GIGYF2: variants seen among roughly 807,000 people sequenced by gnomAD.
GIGYF2 encodes the protein GRB10-interacting GYF protein 2.
A neutral mutation model predicts 208.1 loss-of-function variants in GIGYF2; 25 were observed. The ratio of observed to expected loss-of-function variants is 0.12; its 90% CI spans 0.09 to 0.17. The LOEUF (loss-of-function observed/expected upper bound fraction) is 0.17. Ranked by LOEUF, GIGYF2 falls within the 10% of genes least tolerant of loss-of-function variation. GIGYF2 has a pLI of 1.00. For missense variants in GIGYF2, 1,302 were observed against 1,579.4 expected (o/e 0.82, Z 2.98); for synonymous variants, 534 against 543.8 (o/e 0.98, Z 0.25).
intron 18 of GIGYF2, among the ~76,000 whole-genome samples, chr2:232,815,262 G>A (rs1223081380): frequency 1.3e-5 from 2 of 152,238 alleles, no homozygotes; most frequent in African/African-American, 4.8e-5. Flanking sequence ...GTGCTTTGGA[G>A]TGTAATACAC....
intron 9 of GIGYF2, chr2:232,788,608 T>G (rs576693366): frequency 6.4e-6 from 3 of 469,738 alleles, no homozygotes; most frequent in African/African-American, 6.0e-5. Flanking sequence ...TTTTGGAAGA[T>G]GAACTGTGTT....
chr2:232,718,214 C>T (rs1384289056), intron 2 of GIGYF2, among the ~76,000 whole-genome samples: 1 of 152,120 alleles, frequency 6.6e-6, no homozygotes, highest in Non-Finnish European at 1.5e-5. Context: ...TCTCCTGTCT[C>T]AGCCTCCCAA....
intron 8 of GIGYF2, among the ~76,000 whole-genome samples, chr2:232,764,904 C>T (rs978216918): frequency 1.3e-5 from 2 of 151,902 alleles, no homozygotes; most frequent in Non-Finnish European, 2.9e-5. Flanking sequence ...TCTTAGCCAC[C>T]CTCTATTAAA....
intron 2 of GIGYF2, among the ~76,000 whole-genome samples, chr2:232,714,606 C>G (rs1443208052): frequency 1.3e-5 from 2 of 152,040 alleles, no homozygotes; most frequent in Non-Finnish European, 2.9e-5. Context: ...CAGAAATGCA[C>G]ACACTGATGT....
intron 12 of GIGYF2, among the ~76,000 whole-genome samples, chr2:232,793,821 G>A (rs1251902672): frequency 6.6e-6 from 1 of 152,148 alleles, no homozygotes; most frequent in Non-Finnish European, 1.5e-5. Context: ...AAGGAATGGG[G>A]ATGTTTTAGC....
chr2:232,782,705 A>G (rs1699759823), intron 8 of GIGYF2: 1 of 152,246 alleles, frequency 6.6e-6, no homozygotes, highest in Admixed American at 6.5e-5. Flanking sequence ...TTGGAACGAT[A>G]CAGAGATTAG....
intron 8 of GIGYF2, among the ~76,000 whole-genome samples, chr2:232,773,127 TTTTATAA>T (rs1699337234): frequency 1.3e-5 from 2 of 152,172 alleles, no homozygotes; most frequent in African/African-American, 4.8e-5. Context: ...TATTTTAATG[TTTTATAA>T]CTTATTACCC....
intron 8 of GIGYF2, among the ~76,000 whole-genome samples, chr2:232,764,007 C>T (rs1405822199): frequency 6.6e-6 from 1 of 152,144 alleles, no homozygotes; most frequent in Non-Finnish European, 1.5e-5. Context: ...ATTAAATTCT[C>T]ACTTATGTGC....
chr2:232,725,127 C>G (rs1187099533), intron 2 of GIGYF2, among the ~76,000 whole-genome samples: 1 of 152,090 alleles, frequency 6.6e-6, no homozygotes, highest in Non-Finnish European at 1.5e-5. Flanking sequence ...CATCATCTTA[C>G]TCTTCCCTAC....
At chr2:232,814,339 GA>G (rs1700837316) in intron 18 of GIGYF2, among the ~76,000 whole-genome samples, 1 of 151,892 alleles carries the variant, frequency 6.6e-6, no homozygotes, top group Non-Finnish European at 1.5e-5. Flanking sequence ...GAGGTGGGTG[GA>G]TCACGAAGTC....
At chr2:232,831,686 T>C (rs1701428485) in intron 21 of GIGYF2, among the ~76,000 whole-genome samples, 1 of 152,246 alleles carries the variant, frequency 6.6e-6, no homozygotes, top group African/African-American at 2.4e-5. Flanking sequence ...TGCCATTAAG[T>C]ATTTACGGCC....
At chr2:232,802,082 A>G (rs1700415617) in intron 14 of GIGYF2, among the ~76,000 whole-genome samples, 1 of 152,218 alleles carries the variant, frequency 6.6e-6, no homozygotes, top group South Asian at 2.1e-4. Context: ...TTGTTGGTGT[A>G]TAGAAATGCA....
rs150382590 is a variant in GIGYF2, at chr2:232,806,045, G to A, written c.1640-446G>A. On this transcript the variant is annotated intron_variant, in intron 14 of 28. Coordinates refer to ENST00000373563, the MANE Select transcript of GIGYF2 (RefSeq NM_001103146.3). This position sits in a 1 kb window ranked among gnomAD's most constrained non-coding sequence, Gnocchi z 4.0. ...TTCCCCACTACCAAGATCAGAGAGC[G>A]AATTATAATTTGTCTTAATTATTGT... Among the ~76,000 whole-genome samples, 1,209 of 152,192 alleles carry A rather than the reference G, an allele frequency of 7.9e-3. 14 individuals are homozygous for A. Among genetic ancestry groups the A allele is most frequent in the African/African-American group, 0.027 (1,118 of 41,504 alleles).
chr2:232,847,323 T>G, intron 26 of GIGYF2, 25 bp from the exon 27 acceptor site: 1 of 1,607,394 alleles, frequency 6.2e-7, no homozygotes, highest in Non-Finnish European at 8.5e-7. Flanking sequence ...TTGTTACCCT[T>G]ATCTTCTCCC....
chr2:232,794,835 A>C lies in GIGYF2; in HGVS notation c.1370A>C (p.Asn457Thr), dbSNP rs116074753. Reference sequence around the variant, plus strand: ...CTCATACTTCCACCTCCTGTTCCCAATCCTAGTCCTACTCTCCGGCCAGTT... The same window carrying C: ...CTCATACTTCCACCTCCTGTTCCCACTCCTAGTCCTACTCTCCGGCCAGTT... Reference protein sequence around the residue: ...PLLILPPPVPNPSPTLRPVET... With the variant: ...PLLILPPPVPTPSPTLRPVET... Residue 457 changes from asparagine to threonine, a missense_variant, in exon 13 of 29, where the codon AAT (asparagine) becomes ACT (threonine). Physicochemically the swap from Asn to Thr is moderately conservative, Grantham distance 65. This residue lies in a region of GIGYF2 where 235 missense variants were observed against 218.8 expected (regional missense o/e 1.07). Coordinates refer to ENST00000373563, the MANE Select transcript of GIGYF2 (RefSeq NM_001103146.3). The C allele has an allele frequency of 4.7e-4, 751 of 1,613,646 alleles. 1 individual carries two copies. The highest frequency in any genetic ancestry group is 1.2e-3 in the Middle Eastern group (7 of 6,062).
rs536318330 is a variant in GIGYF2, at chr2:232,857,535, C to T, written c.*675C>T. ...CTCTGAAAGGATTTATGTTTTTCTT[C>T]GTTAGATAGTGACTTCTGAGCAAGC... On this transcript the variant is annotated 3_prime_UTR_variant, in exon 29 of 29. Transcript: ENST00000373563. 112 of 153,490 alleles carry T rather than the reference C, an allele frequency of 7.3e-4. No homozygotes were observed. The highest frequency in any genetic ancestry group is 9.6e-4 in the Non-Finnish European group (66 of 68,816). The allele number at this position is 153,490 out of a possible 1,614,324, so 9.5% of individuals were successfully genotyped here. A position where few individuals can be genotyped will look rare whatever the true frequency, so the allele number is the denominator to read the frequency against.
At chr2:232,801,383 G>A (rs983336395) in intron 14 of GIGYF2, among the ~76,000 whole-genome samples, 1 of 152,088 alleles carries the variant, frequency 6.6e-6, no homozygotes, top group African/African-American at 2.4e-5. Flanking sequence ...AAAAAAGCCA[G>A]GCATGGTGGT....
chr2:232,706,556 T>A (rs964085621), intron 2 of GIGYF2, among the ~76,000 whole-genome samples: 3 of 152,098 alleles, frequency 2.0e-5, no homozygotes, highest in African/African-American at 4.8e-5. Context: ...GGCAGGCGGA[T>A]CACTTGAAGT....
At chr2:232,831,862 C>G (rs1701432605) in intron 21 of GIGYF2, among the ~76,000 whole-genome samples, 1 of 152,170 alleles carries the variant, frequency 6.6e-6, no homozygotes, top group South Asian at 2.1e-4. Flanking sequence ...GAATTTCTTC[C>G]TTAGAGGTCT....
Sources: gnomAD v4.1 joint callset for allele counts (sites outside exome capture counted in the v4.1 genomes callset) on GRCh38, gnomAD v4.1.1 for gene constraint, gnomAD v4.1.1 regional missense constraint, Gnocchi (gnomAD v3.1) non-coding constraint, MANE v1.5 for transcripts, NCBI Gene and HGNC (gene_info 2026-07-23, HGNC 2026-07-21) for gene names.